Variants in SCAF8 observed in about 807,000 individuals in gnomAD.
The protein encoded by SCAF8 is SR-related CTD associated factor 8.
SCAF8 carries 23 observed loss-of-function variants against 140.5 expected under a neutral mutation model. The observed-to-expected ratio is 0.16, with a 90% CI of 0.12 to 0.23. The LOEUF (loss-of-function observed/expected upper bound fraction) is 0.23, where lower values mean the gene tolerates loss of function less well. Ranked by LOEUF, SCAF8 falls within the 10% of genes least tolerant of loss-of-function variation. SCAF8 has a pLI of 1.00. For missense variants in SCAF8, 1,397 were observed against 1,555.7 expected, an observed-to-expected ratio of 0.90 and a Z score of 1.72; for synonymous variants, 575 against 528.9, an observed-to-expected ratio of 1.09 and a Z score of -1.20.
At chr6:154,770,603 A>C (rs1460381592) in intron 1 of SCAF8, among the ~76,000 whole-genome samples, 1 of 152,090 alleles carries the variant, frequency 6.6e-6, no homozygotes, top group Non-Finnish European at 1.5e-5. Flanking sequence ...ATTCTTAGAA[A>C]GTATGTGATG....
intron 3 of SCAF8, among the ~76,000 whole-genome samples, chr6:154,781,688 A>T (rs891210785): frequency 1.3e-5 from 2 of 152,130 alleles, no homozygotes; most frequent in Admixed American, 1.3e-4. Flanking sequence ...TTAATCATTC[A>T]CTCATTGGGG....
At chr6:154,739,774 T>C (rs182907515) in intron 1 of SCAF8, among the ~76,000 whole-genome samples, 3 of 152,330 alleles carry the variant, frequency 2.0e-5, no homozygotes, top group Admixed American at 6.5e-5. Flanking sequence ...CTCCACTTTA[T>C]TTTACTTCCA....
intron 1 of SCAF8, among the ~76,000 whole-genome samples, chr6:154,748,257 G>A (rs1349369070): frequency 6.6e-6 from 1 of 152,070 alleles, no homozygotes; most frequent in African/African-American, 2.4e-5. Context: ...TGTGCATTAT[G>A]GAACTTTTAA....
At chr6:154,761,310 AC>A (rs986424037) in intron 1 of SCAF8, among the ~76,000 whole-genome samples, 1 of 151,986 alleles carries the variant, frequency 6.6e-6, no homozygotes, top group Non-Finnish European at 1.5e-5. Flanking sequence ...ACATGGTGAA[AC>A]CCCATCTCTA....
rs918605510 is a variant in SCAF8 at position 154,825,834 on chromosome 6, A to G, written c.2072-1338A>G. On this transcript the variant is annotated intron_variant, in intron 17 of 19. Coordinates refer to ENST00000367178, the MANE Select transcript of SCAF8 (RefSeq NM_014892.5). ...CAGCCTAAAAGCCCCATCTTAAACT[A>G]TATAAGCAATTATATACGCATATTG... Among the ~76,000 whole-genome samples, 8 of 152,176 alleles carry G rather than the reference A, an allele frequency of 5.3e-5. No homozygotes were observed. The East Asian group carries it at 9.7e-4, about 18-fold the overall frequency.
chr6:154,741,756 G>T (rs1488041593), intron 1 of SCAF8, among the ~76,000 whole-genome samples: 1 of 152,120 alleles, frequency 6.6e-6, no homozygotes. Context: ...ATTAGTGATA[G>T]TATTACTAGT....
intron 1 of SCAF8, among the ~76,000 whole-genome samples, chr6:154,744,285 C>A (rs1778643039): frequency 6.6e-6 from 1 of 152,118 alleles, no homozygotes; most frequent in African/African-American, 2.4e-5. Flanking sequence ...GAGCAAGACT[C>A]TGGCTGGGTG....
At chr6:154,780,937 G>A (rs1474454638) in intron 3 of SCAF8, among the ~76,000 whole-genome samples, 1 of 152,064 alleles carries the variant, frequency 6.6e-6, no homozygotes, top group Non-Finnish European at 1.5e-5. Flanking sequence ...AGATCCTTGA[G>A]GAATTGCCAC....
chr6:154,800,364 G>A (rs1053799955), intron 6 of SCAF8, among the ~76,000 whole-genome samples: 2 of 151,530 alleles, frequency 1.3e-5, no homozygotes, highest in South Asian at 2.1e-4. Context: ...TACAGTGTTG[G>A]AGATACAAAG....
chr6:154,796,762 C>T (rs1583044008), intron 6 of SCAF8, among the ~76,000 whole-genome samples: 1 of 152,050 alleles, frequency 6.6e-6, no homozygotes, highest in Non-Finnish European at 1.5e-5. Flanking sequence ...CACTTGAGGC[C>T]AGGAGTTGAA....
intron 1 of SCAF8, among the ~76,000 whole-genome samples, chr6:154,743,501 C>G (rs1778623619): frequency 6.6e-6 from 1 of 152,136 alleles, no homozygotes; most frequent in African/African-American, 2.4e-5. Flanking sequence ...ATTTTTAAAG[C>G]AAACTTTTTT....
In SCAF8 at chr6:154,833,316, T is replaced by C. The variant is rs755646942; in HGVS notation, c.3737T>C (p.Ile1246Thr). 1.2e-6 allele frequency: 2 copies of C among 1,613,906 alleles called. No individual in the cohort carries two copies. Among genetic ancestry groups the C allele is most frequent in the Non-Finnish European group, 8.5e-7 (1 of 1,179,946 alleles). Reference protein sequence around the residue: ...LYEKLTSSNEINKEKSDTVAD... With the variant: ...LYEKLTSSNETNKEKSDTVAD... ...GAAAAACTGACATCTTCAAATGAAA[T>C]AAACAAGGAGAAGAGTGACACAGTT... Residue 1246 changes from isoleucine (I) to threonine (T), a missense_variant, in exon 20 of 20, where the codon ATA becomes ACA. By Grantham distance (89) the Ile-to-Thr change is moderately conservative. Coordinates refer to ENST00000367178, the MANE Select transcript of SCAF8 (RefSeq NM_014892.5).
chr6:154,804,404 T>C (rs1009420972), intron 8 of SCAF8, among the ~76,000 whole-genome samples: 4 of 152,232 alleles, frequency 2.6e-5, no homozygotes, highest in Non-Finnish European at 4.4e-5. Context: ...TGAAATCATG[T>C]TGATCAGTGT....
intron 1 of SCAF8, among the ~76,000 whole-genome samples, chr6:154,765,940 C>G (rs1562434138): frequency 6.6e-6 from 1 of 152,072 alleles, no homozygotes; most frequent in Admixed American, 6.6e-5. Context: ...AGCTGAAAAT[C>G]ATATAACTTT....
chr6:154,770,940 T>G (rs530335079), intron 1 of SCAF8, among the ~76,000 whole-genome samples: 10 of 152,162 alleles, frequency 6.6e-5, no homozygotes, highest in Non-Finnish European at 1.5e-4. Flanking sequence ...AGATGGGGTT[T>G]CGCTGTGTTG....
chr6:154,767,091 C>G (rs1283644600), intron 1 of SCAF8, among the ~76,000 whole-genome samples: 1 of 152,154 alleles, frequency 6.6e-6, no homozygotes, highest in African/African-American at 2.4e-5. Context: ...CAGTCCCTTA[C>G]TGGCAAGGGT....
intron 1 of SCAF8, among the ~76,000 whole-genome samples, chr6:154,734,150 T>C (rs1001852500): frequency 2.0e-5 from 3 of 151,702 alleles, no homozygotes; most frequent in African/African-American, 7.3e-5. Flanking sequence ...CGGAGGGAGG[T>C]TCTGGCGTCT....
chr6:154,820,413 C>T (rs539535310), intron 15 of SCAF8, 80 bp downstream of exon 15: 83 of 1,166,384 alleles, frequency 7.1e-5, no homozygotes, highest in Non-Finnish European at 9.7e-5. Context: ...GGGATGACAG[C>T]GTTAACTGTG....
At chr6:154,768,564 T>C (rs980787911) in intron 1 of SCAF8, among the ~76,000 whole-genome samples, 1 of 152,244 alleles carries the variant, frequency 6.6e-6, no homozygotes, top group Admixed American at 6.5e-5. Context: ...ATCTTTAACA[T>C]TGTTTATGTT....
Sources: gnomAD v4.1 joint callset for allele counts (sites outside exome capture counted in the v4.1 genomes callset) on GRCh38, gnomAD v4.1.1 for gene constraint, MANE v1.5 for transcripts, NCBI Gene and HGNC (gene_info 2026-07-23, HGNC 2026-07-21) for gene names.